CDK14: variants seen among roughly 807,000 people sequenced by gnomAD.
CDK14 encodes cyclin-dependent kinase 14.
Under a neutral mutation model 60.7 loss-of-function variants are expected in CDK14, and 34 were observed. That is an observed-to-expected ratio of 0.56 (90% CI 0.43 to 0.75). CDK14 has a LOEUF of 0.75. CDK14 is among the 30% of genes least tolerant of loss of function. The pLI is 0.00. For synonymous variants in CDK14, 197 were observed against 203.7 expected, an observed-to-expected ratio of 0.97 and a Z score of 0.28; for missense variants, 482 against 564.1, an observed-to-expected ratio of 0.85 and a Z score of 1.47.
intron 8 of CDK14, among the ~76,000 whole-genome samples, chr7:90,950,049 G>A (rs1487782125): frequency 1.3e-5 from 2 of 152,126 alleles, no homozygotes; most frequent in African/African-American, 4.8e-5. Flanking sequence ...ACTGTTATTC[G>A]CATTGAGGAA....
chr7:91,031,441 C>T (rs939180535), intron 10 of CDK14, among the ~76,000 whole-genome samples: 1 of 151,730 alleles, frequency 6.6e-6, no homozygotes, highest in Non-Finnish European at 1.5e-5. Context: ...ATATTAGATA[C>T]AGCATTATAT....
At chr7:90,626,192 A>G (rs4278097) in intron 2 of CDK14, among the ~76,000 whole-genome samples, 46,982 of 151,980 alleles carry the variant, frequency 0.31, 8,176 homozygotes, top group East Asian at 0.67. Context: ...ATTATTGGCT[A>G]TTGTCAGTGG....
intron 14 of CDK14, among the ~76,000 whole-genome samples, chr7:91,175,955 G>A (rs1349199499): frequency 1.9e-4 from 29 of 151,656 alleles, no homozygotes; most frequent in Non-Finnish European, 2.7e-4. Context: ...TGCACCAAGC[G>A]GACCTAATAG....
chr7:90,641,509 A>T (rs1042250669), intron 2 of CDK14, among the ~76,000 whole-genome samples: 1 of 152,234 alleles, frequency 6.6e-6, no homozygotes, highest in Non-Finnish European at 1.5e-5. Context: ...GTTAAGTGAA[A>T]GAAGCTAGTC....
At chr7:91,159,196 G>A (rs2115733249) in intron 14 of CDK14, among the ~76,000 whole-genome samples, 1 of 152,234 alleles carries the variant, frequency 6.6e-6, no homozygotes. Flanking sequence ...GGGATACTGT[G>A]TTTTCTAACA....
intron 14 of CDK14, among the ~76,000 whole-genome samples, chr7:91,195,882 T>C (rs939270245): frequency 5.9e-5 from 9 of 152,186 alleles, no homozygotes; most frequent in Admixed American, 4.6e-4. Flanking sequence ...TCCACCACCC[T>C]CACCTACCTT....
At chr7:90,704,342 A>C (rs568890471) in intron 2 of CDK14, among the ~76,000 whole-genome samples, 5 of 152,324 alleles carry the variant, frequency 3.3e-5, no homozygotes, top group Non-Finnish European at 7.3e-5. Context: ...TCTGCAGTTC[A>C]TAGGGATCAG....
Position 90,624,030 on chromosome 7 carries a change from T to C in CDK14, c.123+19781T>C, listed in dbSNP as rs547173327. Among the ~76,000 whole-genome samples, 5 of 152,328 alleles carry C rather than the reference T, an allele frequency of 3.3e-5. No individual in the cohort carries two copies. The South Asian group carries it at 1.0e-3, about 32-fold the overall frequency. On this transcript the variant is annotated intron_variant, in intron 2 of 14. Coordinates refer to ENST00000380050, the MANE Select transcript of CDK14 (RefSeq NM_001287135.2). ...TAGGGCTTCATAGTTTACAAAACAA[T>C]TTCATATGATATTTCAGTGAATTTT... is the stretch of plus-strand genomic sequence containing the variant.
chr7:91,004,273 TAAGAA>T (rs879939165), intron 10 of CDK14, among the ~76,000 whole-genome samples: 2 of 152,204 alleles, frequency 1.3e-5, no homozygotes, highest in Non-Finnish European at 2.9e-5. Context: ...CCTGACTTAC[TAAGAA>T]AAGAAAGAAG....
intron 10 of CDK14, among the ~76,000 whole-genome samples, chr7:91,029,312 G>T (rs1251106430): frequency 6.6e-6 from 1 of 151,726 alleles, no homozygotes; most frequent in Non-Finnish European, 1.5e-5. Flanking sequence ...GTCTTTTTTG[G>T]TTTCATATGA....
At chr7:90,995,981 A>G (rs1795671703) in intron 10 of CDK14, among the ~76,000 whole-genome samples, 1 of 152,206 alleles carries the variant, frequency 6.6e-6, no homozygotes, top group Non-Finnish European at 1.5e-5. Context: ...TCCTGGCCTT[A>G]TGTGACAACC....
intron 14 of CDK14, among the ~76,000 whole-genome samples, chr7:91,124,710 C>G (rs562731813): frequency 2.0e-5 from 3 of 151,962 alleles, no homozygotes; most frequent in Non-Finnish European, 4.4e-5. Flanking sequence ...TTCTTAAAAC[C>G]CAAATTAATT....
intron 2 of CDK14, among the ~76,000 whole-genome samples, chr7:90,640,935 G>A (rs971009661): frequency 3.9e-5 from 6 of 152,022 alleles, no homozygotes; most frequent in African/African-American, 1.5e-4. Flanking sequence ...CTTGGCAAAG[G>A]ATCTGAACAG....
chr7:91,149,095 A>C (rs1450842426), intron 14 of CDK14, among the ~76,000 whole-genome samples: 1 of 152,204 alleles, frequency 6.6e-6, no homozygotes, highest in Non-Finnish European at 1.5e-5. Context: ...AATCATTGCA[A>C]TATACAAGCA....
At chr7:91,086,360 C>T (rs931595106) in intron 12 of CDK14, among the ~76,000 whole-genome samples, 1 of 152,140 alleles carries the variant, frequency 6.6e-6, no homozygotes, top group African/African-American at 2.4e-5. Context: ...TCCTGAGGGG[C>T]GCAGCCTGTT....
chr7:91,178,480 G>C lies in CDK14; in HGVS notation c.*29-28685G>C, dbSNP rs1356044241. On this transcript the variant is annotated intron_variant, in intron 14 of 14. Coordinates refer to ENST00000380050, the MANE Select transcript of CDK14 (RefSeq NM_001287135.2). Reference sequence around the variant, plus strand: ...ACAAATGGGATCTAATTAAACTAAAGAGCTTCTGCACAGCAAAAGAAACTA... The same window carrying C: ...ACAAATGGGATCTAATTAAACTAAACAGCTTCTGCACAGCAAAAGAAACTA... 6.2e-5 allele frequency among the ~76,000 whole-genome samples: 9 copies of C among 146,026 alleles called. No individual in the cohort carries two copies. The South Asian group carries it at 1.3e-3, about 22-fold the overall frequency.
chr7:91,047,649 T>A (rs1283554226), intron 11 of CDK14, among the ~76,000 whole-genome samples: 3 of 152,178 alleles, frequency 2.0e-5, no homozygotes, highest in Non-Finnish European at 4.4e-5. Context: ...AACAGACACA[T>A]AATGCATAGA....
intron 5 of CDK14, among the ~76,000 whole-genome samples, chr7:90,842,141 G>A (rs549962058): frequency 6.6e-6 from 1 of 152,138 alleles, no homozygotes; most frequent in African/African-American, 2.4e-5. Context: ...TACTCAAAAC[G>A]ATGACACAGG....
intron 6 of CDK14, among the ~76,000 whole-genome samples, chr7:90,890,118 A>G (rs1792068105): frequency 6.6e-6 from 1 of 152,262 alleles, no homozygotes; most frequent in African/African-American, 2.4e-5. Context: ...CAAGCCTGTC[A>G]TCCTAGTGCT....
Sources: allele counts gnomAD v4.1 joint callset (sites outside exome capture counted in the v4.1 genomes callset), GRCh38; gene constraint gnomAD v4.1.1; transcripts MANE v1.5; gene names NCBI Gene and HGNC (gene_info 2026-07-23, HGNC 2026-07-21).